Variants in TF observed in about 807,000 individuals in gnomAD.
The protein encoded by TF is transferrin, also known as serotransferrin.
In TF, 55 loss-of-function variants were observed where a neutral mutation model predicts 82.4. The ratio of observed to expected loss-of-function variants is 0.67; its 90% CI spans 0.54 to 0.84. TF has a LOEUF of 0.84. TF is among the 40% of genes least tolerant of loss of function. The pLI is 0.00. For missense variants in TF, 737 were observed against 868.4 expected (o/e 0.85, Z 1.90); for synonymous variants, 332 against 332.6 (o/e 1.00, Z 0.02).
the TF span, among the ~76,000 whole-genome samples, chr3:133,677,212 C>T: frequency 6.6e-6 from 1 of 152,224 alleles, no homozygotes; most frequent in African/African-American, 2.4e-5. Context: ...CAGGATCAGT[C>T]TGAAATATTC....
At chr3:133,742,321 C>T (rs1464899722), upstream of TF, among the ~76,000 whole-genome samples, 1 of 152,086 alleles carries the variant, frequency 6.6e-6, no homozygotes, top group African/African-American at 2.4e-5. Context: ...TTCCACCTGG[C>T]CCTGGACTAT....
In TF at chr3:133,789,271, C is replaced by A. The variant is rs116655058; in HGVS notation, c.*10651C>A. 6.6e-6 allele frequency: 1 copy of A among 152,302 alleles called. No homozygotes were observed. Among genetic ancestry groups the A allele is most frequent in the African/African-American group, 2.4e-5 (1 of 41,466 alleles). 9.4% of individuals were successfully genotyped at this position (152,302 alleles called of 1,614,324 possible). On this transcript the variant is annotated 3_prime_UTR_variant, in exon 17 of 17. Coordinates refer to ENST00000402696, the MANE Select transcript of TF (RefSeq NM_001063.4). ...TGGCATTTGCTGTTGAATGGGAAAG[C>A]GGGATGCAGTTGCATGTATCCAGGC...
chr3:133,746,118 C>T (rs1933489859), upstream of TF: 1 of 471,896 alleles, frequency 2.1e-6, no homozygotes, highest in Admixed American at 3.4e-5. Context: ...GCTCCCAGCC[C>T]GCCGTAGCCG....
At chr3:133,689,178 C>T in the TF span, among the ~76,000 whole-genome samples, 1 of 151,844 alleles carries the variant, frequency 6.6e-6, no homozygotes, top group Non-Finnish European at 1.5e-5. Flanking sequence ...TAGAAAAATA[C>T]AAAAATTAGC....
At chr3:133,703,475 A>G in the TF span, among the ~76,000 whole-genome samples, 10 of 152,226 alleles carry the variant, frequency 6.6e-5, no homozygotes, top group Admixed American at 2.6e-4. Flanking sequence ...GCTTTCATTT[A>G]TAAAAGAGGG....
the TF span, among the ~76,000 whole-genome samples, chr3:133,725,363 G>T: frequency 1.3e-5 from 2 of 152,094 alleles, no homozygotes; most frequent in African/African-American, 2.4e-5. Context: ...CCTTGGGGAG[G>T]TCCTTCACGT....
the TF span, among the ~76,000 whole-genome samples, chr3:133,735,414 A>G: frequency 1.3e-5 from 2 of 152,116 alleles, no homozygotes; most frequent in East Asian, 3.9e-4. Flanking sequence ...AAGGATTGCA[A>G]CTCCTTGCCA....
chr3:133,772,008 C>G (rs1272375101), intron 14 of TF, among the ~76,000 whole-genome samples: 1 of 152,080 alleles, frequency 6.6e-6, no homozygotes, highest in Non-Finnish European at 1.5e-5. Flanking sequence ...ACCGGCTCAG[C>G]ACCAGCCCCT....
chr3:133,676,288 G>C, the TF span, among the ~76,000 whole-genome samples: 1 of 152,300 alleles, frequency 6.6e-6, no homozygotes, highest in South Asian at 2.1e-4. Flanking sequence ...GTGAAAATGA[G>C]ATACTGTATC....
chr3:133,743,256 A>G (rs1289696729), upstream of TF, among the ~76,000 whole-genome samples: 1 of 152,136 alleles, frequency 6.6e-6, no homozygotes, highest in Admixed American at 6.5e-5. Flanking sequence ...TGACACATAC[A>G]AGGGGATAAA....
chr3:133,746,126 C>G (rs1002798494), upstream of TF: 3 of 484,380 alleles, frequency 6.2e-6, no homozygotes, highest in African/African-American at 3.9e-5. Context: ...CCCGCCGTAG[C>G]CGCTCCTGGC....
chr3:133,669,093 C>T, the TF span, among the ~76,000 whole-genome samples: 35 of 152,184 alleles, frequency 2.3e-4, 1 homozygote, highest in African/African-American at 6.5e-4. Flanking sequence ...CTCCGCCTCC[C>T]GGGTTCAAGC....
chr3:133,694,879 TTTATTTA>T, the TF span, among the ~76,000 whole-genome samples: 2,526 of 106,542 alleles, frequency 0.024, 28 homozygotes, highest in East Asian at 0.043. Context: ...TATTTATTTA[TTTATTTA>T]TTATTATTAT....
chr3:133,764,833 A>C, intron 10 of TF, 42 bp from the exon 11 acceptor site: 1 of 1,599,878 alleles, frequency 6.3e-7, no homozygotes. Flanking sequence ...CCAATCTATA[A>C]ATCAGGGTTT....
chr3:133,729,186 A>T, the TF span, among the ~76,000 whole-genome samples: 1 of 152,184 alleles, frequency 6.6e-6, no homozygotes, highest in Non-Finnish European at 1.5e-5. Context: ...CTCTCTTCAA[A>T]GCTGTCAGAC....
chr3:133,755,946 T>A (rs1933815234), intron 5 of TF: 1 of 459,980 alleles, frequency 2.2e-6, no homozygotes, highest in African/African-American at 1.9e-5. Flanking sequence ...ACCTTGATTA[T>A]ATCCTAAAGT....
At chr3:133,721,403 T>C in the TF span, among the ~76,000 whole-genome samples, 1 of 152,302 alleles carries the variant, frequency 6.6e-6, no homozygotes, top group South Asian at 2.1e-4. Flanking sequence ...TCTGAAGTTT[T>C]TCTTACTGTT....
At chr3:133,673,596 A>C in the TF span, among the ~76,000 whole-genome samples, 1 of 152,220 alleles carries the variant, frequency 6.6e-6, no homozygotes, top group Non-Finnish European at 1.5e-5. Context: ...AAGAGGTCAA[A>C]CACAGAATTG....
chr3:133,782,790 T>C lies in TF; in HGVS notation c.*4170T>C, dbSNP rs1186903761. Reference sequence around the variant, plus strand: ...AGGCAACATGACAAAACCCCATCTCTGCAAAAAAAAAAAAAAAAACAAAAA... The same window carrying C: ...AGGCAACATGACAAAACCCCATCTCCGCAAAAAAAAAAAAAAAAACAAAAA... On this transcript the variant is annotated 3_prime_UTR_variant, in exon 17 of 17. Coordinates refer to ENST00000402696, the MANE Select transcript of TF (RefSeq NM_001063.4). 1 of 30,800 alleles carries C rather than the reference T, an allele frequency of 3.2e-5. No individual in the cohort carries two copies. The highest frequency in any genetic ancestry group is 6.2e-5 in the Non-Finnish European group (1 of 16,016). The allele number at this position is 30,800 out of a possible 1,614,324, so 1.9% of individuals were successfully genotyped here.
Sources: gnomAD v4.1 joint callset for allele counts (sites outside exome capture counted in the v4.1 genomes callset) on GRCh38, gnomAD v4.1.1 for gene constraint, MANE v1.5 for transcripts, NCBI Gene and HGNC (gene_info 2026-07-23, HGNC 2026-07-21) for gene names.